RERE: variants seen among roughly 807,000 people sequenced by gnomAD.
RERE encodes the protein arginine-glutamic acid dipeptide repeats protein.
In RERE, 40 loss-of-function variants were observed where a neutral mutation model predicts 146.1. That is an observed-to-expected ratio of 0.27 (90% CI 0.21 to 0.36). The LOEUF (loss-of-function observed/expected upper bound fraction) is 0.36, where lower values mean the gene tolerates loss of function less well. Ranked by LOEUF, RERE falls within the 10% of genes least tolerant of loss-of-function variation. RERE has a pLI of 1.00. For synonymous variants in RERE, 1,003 were observed against 866.0 expected, an observed-to-expected ratio of 1.16 and a Z score of -2.78; for missense variants, 1,933 against 2,138.7, an observed-to-expected ratio of 0.90 and a Z score of 1.90.
At chr1:8,642,477 A>C (rs1647193215) in intron 2 of RERE, among the ~76,000 whole-genome samples, 1 of 152,220 alleles carries the variant, frequency 6.6e-6, no homozygotes, top group African/African-American at 2.4e-5. Context: ...TTCACTTGTA[A>C]GTCTAATTAA....
chr1:8,440,035 T>C (rs939435832), intron 11 of RERE, among the ~76,000 whole-genome samples: 2 of 151,794 alleles, frequency 1.3e-5, no homozygotes, highest in Admixed American at 6.6e-5. Flanking sequence ...GATCGCGCCA[T>C]TACACTCCAG....
At chr1:8,547,643 CATT>C (rs1256520186) in intron 6 of RERE, among the ~76,000 whole-genome samples, 1 of 152,138 alleles carries the variant, frequency 6.6e-6, no homozygotes, top group African/African-American at 2.4e-5. Flanking sequence ...TGTTCAAACT[CATT>C]GTTAGTGAAA....
At chr1:8,445,761 T>G (rs780996412) in intron 11 of RERE, among the ~76,000 whole-genome samples, 7 of 152,024 alleles carry the variant, frequency 4.6e-5, no homozygotes, top group Non-Finnish European at 1.0e-4. Context: ...CATGGTGGTT[T>G]GCTGCACCCA....
intron 4 of RERE, among the ~76,000 whole-genome samples, chr1:8,610,365 C>T (rs1358392500): frequency 1.3e-5 from 2 of 151,272 alleles, no homozygotes; most frequent in African/African-American, 2.4e-5. Flanking sequence ...CCGAGGCGGG[C>T]AGATCACAAG....
intron 1 of RERE, among the ~76,000 whole-genome samples, chr1:8,720,604 G>T (rs913492899): frequency 6.6e-6 from 1 of 152,158 alleles, no homozygotes; most frequent in Admixed American, 6.5e-5. Flanking sequence ...ACAACTGAGG[G>T]TGGAGGGTGC....
At chr1:8,465,340 C>T (rs1314247027) in intron 11 of RERE, 4 of 173,882 alleles carry the variant, frequency 2.3e-5, no homozygotes, top group South Asian at 2.5e-4. Flanking sequence ...CTCTGCTTCC[C>T]GCTTGTAATC....
chr1:8,475,976 G>A (rs1372450150), intron 10 of RERE, among the ~76,000 whole-genome samples: 1 of 152,218 alleles, frequency 6.6e-6, no homozygotes, highest in African/African-American at 2.4e-5. Context: ...ACTGCAGAGG[G>A]TAGGGCTTGA....
chr1:8,531,847 A>T (rs1210436661), intron 7 of RERE, among the ~76,000 whole-genome samples: 2 of 152,270 alleles, frequency 1.3e-5, no homozygotes, highest in Non-Finnish European at 2.9e-5. Flanking sequence ...TGAATGAATA[A>T]GGTCTAGTAT....
intron 11 of RERE, among the ~76,000 whole-genome samples, chr1:8,429,021 G>A (rs1644056655): frequency 6.6e-6 from 1 of 152,104 alleles, no homozygotes; most frequent in Non-Finnish European, 1.5e-5. Flanking sequence ...AGTACAAACG[G>A]CATTGATTTT....
chr1:8,555,093 C>G (rs966262448), intron 6 of RERE, among the ~76,000 whole-genome samples: 1 of 152,210 alleles, frequency 6.6e-6, no homozygotes, highest in Non-Finnish European at 1.5e-5. Flanking sequence ...GAAGTCAAAC[C>G]TAACTACATC....
rs778409901 is a variant in RERE, at chr1:8,360,744, C to T, written c.2763G>A (p.Ala921=). The change falls in exon 18 of 23, where the codon GCG becomes GCA. Residue 921 remains alanine, a synonymous_variant. Transcript: ENST00000400908. ...QPPREQPLPP[A]PLAMPHIKPP... is the part of the protein sequence containing the mutation. ...GCTTGATGTGGGGCATGGCCAAGGG[C>T]GCTGGTGGCAGGGGCTGCTCCCGTG... The T allele has an allele frequency of 2.6e-5, 42 of 1,597,856 alleles. No individual in the cohort carries two copies. Among genetic ancestry groups the T allele is most frequent in the East Asian group, 6.8e-5 (3 of 44,442 alleles).
At chr1:8,486,720 A>T (rs2124200715) in intron 10 of RERE, among the ~76,000 whole-genome samples, 1 of 151,134 alleles carries the variant, frequency 6.6e-6, no homozygotes, top group African/African-American at 2.4e-5. Context: ...TCAAGAGGAA[A>T]CAAATTACCA....
intron 8 of RERE, 140 bp downstream of exon 8, chr1:8,508,487 G>A (rs1645286882): frequency 1.6e-6 from 1 of 643,938 alleles, no homozygotes; most frequent in Admixed American, 2.9e-5. Context: ...ATCTGAGGAG[G>A]GTGGAAAAAA....
intron 4 of RERE, among the ~76,000 whole-genome samples, chr1:8,588,176 C>A (rs1262549276): frequency 6.6e-6 from 1 of 152,138 alleles, no homozygotes; most frequent in Non-Finnish European, 1.5e-5. Flanking sequence ...ATGGACTGTT[C>A]TTCATGCAGT....
intron 12 of RERE, among the ~76,000 whole-genome samples, chr1:8,384,911 T>A (rs1642586112): frequency 6.6e-6 from 1 of 152,234 alleles, no homozygotes; most frequent in South Asian, 2.1e-4. Flanking sequence ...TCTCAGCCGA[T>A]GCAACAACCA....
At chr1:8,641,671 G>A (rs1012329824) in intron 2 of RERE, among the ~76,000 whole-genome samples, 3 of 152,130 alleles carry the variant, frequency 2.0e-5, no homozygotes, top group Admixed American at 6.6e-5. Flanking sequence ...GAACAAAGAA[G>A]GTCTTCTGAA....
intron 1 of RERE, among the ~76,000 whole-genome samples, chr1:8,789,628 G>A (rs2124572601): frequency 6.6e-6 from 1 of 152,128 alleles, no homozygotes; most frequent in African/African-American, 2.4e-5. Flanking sequence ...CCCTTCAGGT[G>A]CCAACAGACA....
chr1:8,816,200 T>C (rs758270882), intron 1 of RERE, among the ~76,000 whole-genome samples: 12 of 152,232 alleles, frequency 7.9e-5, no homozygotes, highest in Non-Finnish European at 1.5e-4. Flanking sequence ...AAAATGTCTA[T>C]TTTGTAATTC....
intron 12 of RERE, among the ~76,000 whole-genome samples, chr1:8,383,331 A>AC (rs1281622059): frequency 6.6e-6 from 1 of 151,410 alleles, no homozygotes; most frequent in Non-Finnish European, 1.5e-5. Flanking sequence ...ATGACGCCAC[A>AC]CAAGATCATT....
Sources: gnomAD v4.1 joint callset for allele counts (sites outside exome capture counted in the v4.1 genomes callset) on GRCh38, gnomAD v4.1.1 for gene constraint, MANE v1.5 for transcripts, NCBI Gene and HGNC (gene_info 2026-07-23, HGNC 2026-07-21) for gene names.